Variants in CTDSPL observed in about 807,000 individuals in gnomAD.
CTDSPL encodes CTD small phosphatase like.
CTDSPL carries 8 observed loss-of-function variants against 30.5 expected under a neutral mutation model. That is an observed-to-expected ratio of 0.26 (90% CI 0.15 to 0.47). The LOEUF (loss-of-function observed/expected upper bound fraction) is 0.47, where lower values mean the gene tolerates loss of function less well. Among genes scored for constraint, CTDSPL ranks in the 20% least tolerant of loss-of-function variants. The pLI is 0.99. For synonymous variants in CTDSPL, 110 were observed against 137.9 expected (o/e 0.80, Z 1.42); for missense variants, 248 against 366.1 (o/e 0.68, Z 2.63).
intron 2 of CTDSPL, among the ~76,000 whole-genome samples, chr3:37,954,054 A>G (rs191192081): frequency 1.3e-5 from 2 of 152,350 alleles, no homozygotes; most frequent in Admixed American, 6.5e-5. Context: ...TTCTGGGACA[A>G]AAAATGTCAA....
At chr3:37,972,499 T>C (rs1248699875) in intron 6 of CTDSPL, among the ~76,000 whole-genome samples, 3 of 152,092 alleles carry the variant, frequency 2.0e-5, no homozygotes, top group Non-Finnish European at 2.9e-5. Flanking sequence ...AAAATATATA[T>C]ACATATATTT....
chr3:37,882,620 A>AAATAAT (rs376915710), intron 1 of CTDSPL, among the ~76,000 whole-genome samples: 1 of 151,956 alleles, frequency 6.6e-6, no homozygotes, highest in Non-Finnish European at 1.5e-5. Flanking sequence ...CCGTCTCAAA[A>AAATAAT]AATAATAATA....
At chr3:37,978,951 T>G (rs1699459016) in intron 7 of CTDSPL, among the ~76,000 whole-genome samples, 1 of 152,174 alleles carries the variant, frequency 6.6e-6, no homozygotes, top group African/African-American at 2.4e-5. Context: ...AACGTTACGT[T>G]TTTATGTAAC....
At chr3:37,950,817 C>A in intron 2 of CTDSPL, among the ~76,000 whole-genome samples, 1 of 152,096 alleles carries the variant, frequency 6.6e-6, no homozygotes, top group East Asian at 1.9e-4. Flanking sequence ...TTACAAGCTA[C>A]TAGAATAAGT....
At chr3:37,868,152 G>T (rs1331030139) in intron 1 of CTDSPL, among the ~76,000 whole-genome samples, 1 of 151,944 alleles carries the variant, frequency 6.6e-6, no homozygotes, top group Non-Finnish European at 1.5e-5. Context: ...GTTTTAATTT[G>T]CATTTCCCTG....
intron 1 of CTDSPL, among the ~76,000 whole-genome samples, chr3:37,941,949 G>A (rs1698983678): frequency 6.7e-6 from 1 of 150,242 alleles, no homozygotes; most frequent in Non-Finnish European, 1.5e-5. Flanking sequence ...CTCTGCAGAA[G>A]AGAGCTAAGC....
intron 1 of CTDSPL, among the ~76,000 whole-genome samples, chr3:37,932,104 T>C (rs6779021): frequency 0.31 from 46,433 of 151,854 alleles, 8,992 homozygotes; most frequent in African/African-American, 0.55. Flanking sequence ...AGGATAGATT[T>C]GAACAGGATA....
intron 1 of CTDSPL, among the ~76,000 whole-genome samples, chr3:37,935,027 C>T (rs1021120784): frequency 1.3e-5 from 2 of 152,172 alleles, no homozygotes; most frequent in Admixed American, 6.5e-5. Flanking sequence ...TGAGATGCTT[C>T]ATCTCATACT....
intron 3 of CTDSPL, among the ~76,000 whole-genome samples, chr3:37,962,860 T>C (rs945256051): frequency 6.6e-6 from 1 of 152,220 alleles, no homozygotes; most frequent in Non-Finnish European, 1.5e-5. Context: ...TAATAAAAAT[T>C]CAAACAAATT....
chr3:37,919,083 C>T (rs928392733), intron 1 of CTDSPL, among the ~76,000 whole-genome samples: 3 of 152,138 alleles, frequency 2.0e-5, no homozygotes, highest in African/African-American at 7.2e-5. Context: ...TTCTTCCTGA[C>T]CCCTAGTCGC....
chr3:37,952,785 A>G (rs1699125486), intron 2 of CTDSPL, among the ~76,000 whole-genome samples: 1 of 152,210 alleles, frequency 6.6e-6, no homozygotes, highest in African/African-American at 2.4e-5. Context: ...CAAGGGAGGA[A>G]TGACTCATAA....
chr3:37,907,989 T>A (rs993994588), intron 1 of CTDSPL, among the ~76,000 whole-genome samples: 1 of 152,196 alleles, frequency 6.6e-6, no homozygotes, highest in Admixed American at 6.5e-5. Context: ...AAACAGAAAG[T>A]CTGCAGGGTT....
chr3:37,896,630 G>A (rs1214076045), intron 1 of CTDSPL, among the ~76,000 whole-genome samples: 1 of 151,730 alleles, frequency 6.6e-6, no homozygotes, highest in Non-Finnish European at 1.5e-5. Flanking sequence ...TTGACCTCCC[G>A]GGCTCAAGGG....
intron 3 of CTDSPL, among the ~76,000 whole-genome samples, chr3:37,964,109 C>G (rs1038487983): frequency 7.1e-6 from 1 of 141,400 alleles, no homozygotes; most frequent in African/African-American, 2.7e-5. Context: ...ACTTATGTGC[C>G]ACAGTGAATT....
intron 6 of CTDSPL, among the ~76,000 whole-genome samples, chr3:37,972,852 T>C (rs547212292): frequency 6.6e-6 from 1 of 152,332 alleles, no homozygotes; most frequent in African/African-American, 2.4e-5. Context: ...CCCTGAGTGG[T>C]CCCAAAGATG....
At chr3:37,888,922 C>G (rs1195696193) in intron 1 of CTDSPL, among the ~76,000 whole-genome samples, 1 of 152,236 alleles carries the variant, frequency 6.6e-6, no homozygotes, top group Admixed American at 6.5e-5. Flanking sequence ...CTACCATTTT[C>G]CTTAGCAAGA....
chr3:37,921,666 A>G (rs1316834096), intron 1 of CTDSPL, among the ~76,000 whole-genome samples: 1 of 151,620 alleles, frequency 6.6e-6, no homozygotes, highest in Non-Finnish European at 1.5e-5. Flanking sequence ...CAAACAGTAT[A>G]TGCAGCTTTT....
At chr3:37,922,060 C>A (rs1362503378) in intron 1 of CTDSPL, among the ~76,000 whole-genome samples, 2 of 152,040 alleles carry the variant, frequency 1.3e-5, no homozygotes, top group Non-Finnish European at 2.9e-5. Flanking sequence ...GGTGAAACCC[C>A]ATCTCTACTA....
rs558120214 is a variant in CTDSPL, at chr3:37,874,732, A to T, written c.79+12454A>T. On this transcript the variant is annotated intron_variant, in intron 1 of 7. Coordinates refer to ENST00000273179, the MANE Select transcript of CTDSPL (RefSeq NM_001008392.2). ...CGACAGAGCGAGACTCTGTCTCAAA[A>T]AATAATAATAATAATAATAATAAAT... Among the ~76,000 whole-genome samples, 37 of 151,726 alleles carry T rather than the reference A, an allele frequency of 2.4e-4. 1 individual carries two copies. Among genetic ancestry groups the T allele is most frequent in the Admixed American group, 1.8e-3 (27 of 15,242 alleles).
Sources: allele counts gnomAD v4.1 joint callset (sites outside exome capture counted in the v4.1 genomes callset), GRCh38; gene constraint gnomAD v4.1.1; transcripts MANE v1.5; gene names NCBI Gene and HGNC (gene_info 2026-07-23, HGNC 2026-07-21).